EPHB1: variants seen among roughly 807,000 people sequenced by gnomAD.
EPHB1 encodes the protein EPH receptor B1, also known as ephrin type-B receptor 1.
Under a neutral mutation model 94.4 loss-of-function variants are expected in EPHB1, and 30 were observed. The ratio of observed to expected loss-of-function variants is 0.32; its 90% CI spans 0.24 to 0.43. The LOEUF (loss-of-function observed/expected upper bound fraction) is 0.43. Ranked by LOEUF, EPHB1 falls within the 20% of genes least tolerant of loss-of-function variation. The pLI is 1.00. For missense variants in EPHB1, 1,055 were observed against 1,308.3 expected (o/e 0.81, Z 2.99); for synonymous variants, 522 against 489.1 (o/e 1.07, Z -0.89).
chr3:135,214,931 A>C (rs2061975498), intron 12 of EPHB1, among the ~76,000 whole-genome samples: 1 of 152,210 alleles, frequency 6.6e-6, no homozygotes, highest in Non-Finnish European at 1.5e-5. Flanking sequence ...GGTTTGGATC[A>C]CACTATGCTT....
chr3:134,893,381 C>A (rs2038025413), intron 1 of EPHB1, among the ~76,000 whole-genome samples: 1 of 152,162 alleles, frequency 6.6e-6, no homozygotes, highest in South Asian at 2.1e-4. Flanking sequence ...GTGGAAAAAA[C>A]AAGCAAACAA....
chr3:135,063,116 G>A (rs913799552), intron 3 of EPHB1, among the ~76,000 whole-genome samples: 17 of 152,052 alleles, frequency 1.1e-4, no homozygotes, highest in African/African-American at 2.7e-4. Flanking sequence ...AAATCAGGTC[G>A]TATGATGCCT....
Position 135,181,867 on chromosome 3 carries a change from A to G in EPHB1, c.1882+1885A>G, listed in dbSNP as rs373129328. Among the ~76,000 whole-genome samples the G allele has an allele frequency of 5.3e-5, 8 of 152,214 alleles. No individual in the cohort carries two copies. The South Asian group carries it at 1.5e-3, about 28-fold the overall frequency. On this transcript the variant is annotated intron_variant, in intron 10 of 15. Transcript: ENST00000398015. ...TGCTGCCATGTTGTGCATTCTGCTCAGAGAAGGTTCAGTCTTCTCCATGAC... is the reference window on the plus strand; with the variant it reads ...TGCTGCCATGTTGTGCATTCTGCTCGGAGAAGGTTCAGTCTTCTCCATGAC...
chr3:135,179,238 C>T (rs1942080848), intron 9 of EPHB1, among the ~76,000 whole-genome samples: 1 of 152,154 alleles, frequency 6.6e-6, no homozygotes, highest in Non-Finnish European at 1.5e-5. Flanking sequence ...TTTCATACCA[C>T]CTCATTTTTT....
intron 12 of EPHB1, among the ~76,000 whole-genome samples, chr3:135,229,810 A>T (rs1389503523): frequency 6.6e-6 from 1 of 152,204 alleles, no homozygotes. Flanking sequence ...TGCCGTAGCA[A>T]GTGCAGCTTC....
At chr3:134,796,035 T>TAAGGA in intron 1 of EPHB1, 1 of 364,264 alleles carries the variant, frequency 2.7e-6, no homozygotes, top group South Asian at 3.3e-5. Flanking sequence ...GAGCCAGAGC[T>TAAGGA]GGGCGTTGGG....
intron 3 of EPHB1, among the ~76,000 whole-genome samples, chr3:135,005,985 A>C (rs1935395404): frequency 6.6e-6 from 1 of 151,910 alleles, no homozygotes; most frequent in Non-Finnish European, 1.5e-5. Flanking sequence ...GCTCCTCCCC[A>C]CATCTGATGG....
chr3:135,257,224 G>A (rs1246728153), intron 15 of EPHB1, among the ~76,000 whole-genome samples: 1 of 152,162 alleles, frequency 6.6e-6, no homozygotes, highest in Non-Finnish European at 1.5e-5. Context: ...ACTCGTCAAA[G>A]TCATTCTCCA....
At chr3:134,802,990 T>C (rs1018017535) in intron 1 of EPHB1, among the ~76,000 whole-genome samples, 2 of 152,184 alleles carry the variant, frequency 1.3e-5, no homozygotes, top group African/African-American at 2.4e-5. Flanking sequence ...AAGAAGGTCC[T>C]GTTTCCCCCT....
intron 9 of EPHB1, among the ~76,000 whole-genome samples, chr3:135,174,927 G>T (rs1165944767): frequency 1.3e-5 from 2 of 152,188 alleles, no homozygotes; most frequent in Non-Finnish European, 2.9e-5. Flanking sequence ...CCATACTGTG[G>T]AATTCTAGGC....
chr3:135,164,376 G>A (rs1391740363), intron 7 of EPHB1, among the ~76,000 whole-genome samples: 2 of 152,148 alleles, frequency 1.3e-5, no homozygotes, highest in Non-Finnish European at 2.9e-5. Context: ...AGAATCACCT[G>A]GACTGTTTGT....
intron 1 of EPHB1, among the ~76,000 whole-genome samples, chr3:134,803,447 GC>G (rs1252133304): frequency 1.3e-5 from 2 of 152,264 alleles, no homozygotes; most frequent in Non-Finnish European, 2.9e-5. Context: ...GCCTGAGGGA[GC>G]CAGCAAGGGA....
chr3:135,232,577 G>C (rs1943560121), intron 12 of EPHB1, among the ~76,000 whole-genome samples: 1 of 152,032 alleles, frequency 6.6e-6, no homozygotes, highest in Non-Finnish European at 1.5e-5. Flanking sequence ...TTGGGCCACA[G>C]ATATACTTGA....
intron 1 of EPHB1, among the ~76,000 whole-genome samples, chr3:134,909,391 G>C (rs560637221): frequency 2.0e-5 from 3 of 152,218 alleles, no homozygotes; most frequent in African/African-American, 7.2e-5. Flanking sequence ...CGGAGACTGC[G>C]TGACCACCTG....
chr3:135,014,511 C>T (rs536673541), intron 3 of EPHB1, among the ~76,000 whole-genome samples: 2 of 152,332 alleles, frequency 1.3e-5, no homozygotes, highest in East Asian at 3.9e-4. Flanking sequence ...AAGGCTGCTT[C>T]TAGCAGGAAG....
rs879098712 is a variant in EPHB1, at chr3:135,244,052, G to A, written c.2496+2755G>A. Among the ~76,000 whole-genome samples the A allele has an allele frequency of 2.0e-5, 3 of 152,050 alleles. No homozygotes were observed. In the South Asian group the frequency reaches 6.2e-4, roughly 32 times the overall value. ...CATGTCTGGGGGCAGCCGGGAGCAG[G>A]CCCTGAAAATACAAGGGCAACAGGA... On this transcript the variant is annotated intron_variant, in intron 13 of 15. Coordinates refer to ENST00000398015, the MANE Select transcript of EPHB1 (RefSeq NM_004441.5).
chr3:134,833,436 C>G (rs748379985), intron 1 of EPHB1, among the ~76,000 whole-genome samples: 3 of 152,220 alleles, frequency 2.0e-5, no homozygotes, highest in Non-Finnish European at 4.4e-5. Flanking sequence ...AAACAATGTA[C>G]TAAAGGGTGG....
intron 3 of EPHB1, among the ~76,000 whole-genome samples, chr3:135,051,085 C>A (rs1937156545): frequency 6.6e-6 from 1 of 152,162 alleles, no homozygotes; most frequent in African/African-American, 2.4e-5. Flanking sequence ...TAGGTATTTC[C>A]TTATGGCAAC....
chr3:135,115,923 T>G (rs1211019329), intron 4 of EPHB1, among the ~76,000 whole-genome samples: 3 of 152,102 alleles, frequency 2.0e-5, no homozygotes, highest in African/African-American at 7.2e-5. Context: ...CAATTAAAAA[T>G]AAGAAAACAT....
Sources: gnomAD v4.1 joint callset for allele counts (sites outside exome capture counted in the v4.1 genomes callset) on GRCh38, gnomAD v4.1.1 for gene constraint, MANE v1.5 for transcripts, NCBI Gene and HGNC (gene_info 2026-07-23, HGNC 2026-07-21) for gene names.